The following BACE2 variants were observed in gnomAD, a reference collection of about 807,000 sequenced individuals.
The protein encoded by BACE2 is 56 kDa aspartic-like protease.
In BACE2, 17 loss-of-function variants were observed where a neutral mutation model predicts 46.2. The observed-to-expected ratio is 0.37, with a 90% CI of 0.25 to 0.55. The LOEUF (loss-of-function observed/expected upper bound fraction) is 0.55, where lower values mean the gene tolerates loss of function less well. BACE2 is among the 20% of genes least tolerant of loss of function. The pLI, the probability that BACE2 is intolerant of heterozygous loss-of-function variation, is 0.82. For missense variants in BACE2, 595 were observed against 698.1 expected (o/e 0.85, Z 1.66); for synonymous variants, 277 against 295.9 (o/e 0.94, Z 0.66).
chr21:41,213,258 A>G (rs1469646342), intron 1 of BACE2, among the ~76,000 whole-genome samples: 2 of 152,178 alleles, frequency 1.3e-5, no homozygotes, highest in Admixed American at 1.3e-4. Context: ...ACAACCCTAG[A>G]CACCAAAAAT....
chr21:41,186,998 A>G (rs1985401486), intron 1 of BACE2, among the ~76,000 whole-genome samples: 1 of 152,230 alleles, frequency 6.6e-6, no homozygotes, highest in Non-Finnish European at 1.5e-5. Context: ...GGAAAACTGC[A>G]TCTGCCCTGA....
chr21:41,257,361 C>A (rs1312787403), intron 8 of BACE2, 35 bp downstream of exon 8: 1 of 1,605,794 alleles, frequency 6.2e-7, no homozygotes. Context: ...GGATCCCCGA[C>A]AAGAGTCCTT....
intron 1 of BACE2, among the ~76,000 whole-genome samples, chr21:41,211,182 C>T (rs1779345075): frequency 6.8e-6 from 1 of 146,102 alleles, no homozygotes; most frequent in Non-Finnish European, 1.5e-5. Flanking sequence ...CCATCCCTCT[C>T]CCCCCTTCAC....
chr21:41,263,541 T>C (rs1218642668), intron 8 of BACE2, among the ~76,000 whole-genome samples: 1 of 152,210 alleles, frequency 6.6e-6, no homozygotes, highest in East Asian at 1.9e-4. Context: ...ATGTCTTTTA[T>C]AAAAGACTGT....
At chr21:41,217,597 G>T (rs77948197) in intron 1 of BACE2, among the ~76,000 whole-genome samples, 2,955 of 152,250 alleles carry the variant, frequency 0.019, 90 homozygotes, top group African/African-American at 0.066. Context: ...TCTGCTGGTT[G>T]AGCCTCGGTG....
chr21:41,203,580 C>G (rs1986030417), intron 1 of BACE2, among the ~76,000 whole-genome samples: 1 of 152,088 alleles, frequency 6.6e-6, no homozygotes, highest in African/African-American at 2.4e-5. Flanking sequence ...ATTCCTAATA[C>G]CCATGGGGAG....
rs751568482 is a variant in BACE2 at position 41,226,360 on chromosome 21, C to T, written c.401+6C>T. 1.6e-5 allele frequency: 26 copies of T among 1,610,822 alleles called. No individual in the cohort carries two copies. The highest frequency in any genetic ancestry group is 5.6e-5 in the South Asian group (5 of 89,844). On this transcript the variant is annotated splice_donor_region_variant and intron_variant, in intron 2 of 8. Transcript: ENST00000330333. The stretch of plus-strand genomic sequence containing the variant: ...ACGTACTTTGACACAGAGAGGTAAG[C>T]GCTGGCCCCTTGGCTGGTGTGCTGG...
chr21:41,266,352 T>C (rs1214343711), intron 8 of BACE2, among the ~76,000 whole-genome samples: 2 of 152,220 alleles, frequency 1.3e-5, no homozygotes, highest in Non-Finnish European at 2.9e-5. Flanking sequence ...TAGTAGACTT[T>C]TTTCTCGTTT....
rs77406095 is a variant in BACE2 at position 41,257,041 on chromosome 21, G to C, written c.1135-117G>C. 6 of 1,116,856 alleles carry C rather than the reference G, an allele frequency of 5.4e-6. No homozygotes were observed. The South Asian group carries it at 5.8e-5, about 11-fold the overall frequency. The allele number at this position is 1,116,856 out of a possible 1,614,324, so 69.2% of individuals were successfully genotyped here. Reference sequence around the variant, plus strand: ...AGGGTGAGATCATCTTTCTTCTCCCGTGACTCCCCCCAGCGCCTGGGAGGG... The same window carrying C: ...AGGGTGAGATCATCTTTCTTCTCCCCTGACTCCCCCCAGCGCCTGGGAGGG... On this transcript the variant is annotated intron_variant, in intron 7 of 8. Coordinates refer to ENST00000330333, the MANE Select transcript of BACE2 (RefSeq NM_012105.5).
chr21:41,241,084 GCA>G (rs1264431977), intron 3 of BACE2, among the ~76,000 whole-genome samples: 1 of 152,072 alleles, frequency 6.6e-6, no homozygotes, highest in Admixed American at 6.5e-5. Context: ...ATGACCACCG[GCA>G]CCCCTGGCAC....
chr21:41,187,132 G>A (rs1985407258), intron 1 of BACE2, among the ~76,000 whole-genome samples: 1 of 152,168 alleles, frequency 6.6e-6, no homozygotes, highest in African/African-American at 2.4e-5. Flanking sequence ...TTATAAATGT[G>A]GGCCACTGAG....
intron 1 of BACE2, among the ~76,000 whole-genome samples, chr21:41,188,562 C>A (rs73364427): frequency 4.3e-3 from 617 of 142,582 alleles, no homozygotes; most frequent in Middle Eastern, 0.03. Flanking sequence ...TACCCATCAC[C>A]CCCCCAGACC....
At chr21:41,226,237 A>ATTT in intron 1 of BACE2, 29 bp from the exon 2 acceptor site, 1 of 1,393,700 alleles carries the variant, frequency 7.2e-7, no homozygotes, top group Non-Finnish European at 9.8e-7. Context: ...GATGCTTTCT[A>ATTT]TTTTTTTTTT....
rs773947515 is a variant in BACE2, at chr21:41,275,390, G to C, written c.1323G>C (p.Val441=). 1 of 1,614,178 alleles carries C rather than the reference G, an allele frequency of 6.2e-7. No individual in the cohort carries two copies. Among genetic ancestry groups the C allele is most frequent in the Non-Finnish European group, 8.5e-7 (1 of 1,180,034 alleles). The change falls in exon 9 of 9, where the codon GTG becomes GTC. Residue 441 remains valine (V), a synonymous_variant. Coordinates refer to ENST00000330333, the MANE Select transcript of BACE2 (RefSeq NM_012105.5). ...SPCAEIAGAA[V]SEISGPFSTE... is the part of the protein sequence containing the mutation. Reference sequence around the variant, plus strand: ...CCCCAGAAATTGCAGGTGCTGCAGTGTCTGAAATTTCCGGGCCTTTCTCAA... The same window carrying C: ...CCCCAGAAATTGCAGGTGCTGCAGTCTCTGAAATTTCCGGGCCTTTCTCAA...
chr21:41,189,848 A>G (rs969503082), intron 1 of BACE2, among the ~76,000 whole-genome samples: 4 of 152,218 alleles, frequency 2.6e-5, no homozygotes, highest in Non-Finnish European at 5.9e-5. Flanking sequence ...TTACACAATC[A>G]CAAGATCCCA....
chr21:41,243,528 T>C lies in BACE2; in HGVS notation c.882+18T>C. The C allele has an allele frequency of 6.3e-7, 1 of 1,594,316 alleles. No individual in the cohort carries two copies. ...GCAGAGAGGTATTTATGCTATGGTCTCTGTTGTGTCTTTCTGTGTATGTCT... is the reference window on the plus strand; with the variant it reads ...GCAGAGAGGTATTTATGCTATGGTCCCTGTTGTGTCTTTCTGTGTATGTCT... On this transcript the variant is annotated intron_variant, in intron 5 of 8. Transcript: ENST00000330333.
intron 8 of BACE2, among the ~76,000 whole-genome samples, chr21:41,257,728 C>T (rs1987829061): frequency 6.6e-6 from 1 of 152,146 alleles, no homozygotes; most frequent in African/African-American, 2.4e-5. Context: ...AAATGAACAC[C>T]TATCGTTGCG....
Position 41,241,899 on chromosome 21 carries a change from T to G in BACE2, c.699T>G (p.Cys233Trp), listed in dbSNP as rs966611119. ...NIPNVFSMQM[C>W]GAGLPVAGSG... ...CCAACGTTTTCTCCATGCAGATGTG[T>G]GGAGCCGGCTTGCCCGTTGCTGGAT... Residue 233 changes from cysteine (C) to tryptophan (W), a missense_variant, in exon 4 of 9, where the codon TGT becomes TGG. This residue lies in a region of BACE2 where 343 missense variants were observed against 419.4 expected (regional missense o/e 0.82). Coordinates refer to ENST00000330333, the MANE Select transcript of BACE2 (RefSeq NM_012105.5). The G allele has an allele frequency of 1.2e-6, 2 of 1,614,216 alleles. No individual in the cohort carries two copies. The highest frequency in any genetic ancestry group is 1.7e-6 in the Non-Finnish European group (2 of 1,180,038).
rs1173938524 is a variant in BACE2, at chr21:41,246,012, G to A, written c.933G>A (p.Leu311=). The change falls in exon 6 of 9, where the codon CTG becomes CTA. Residue 311 remains leucine, a synonymous_variant. Transcript: ENST00000330333. Reference sequence around the variant, plus strand: ...ACAGTGGCACCACGCTGCTGCGCCTGCCCCAGAAGGTGTTTGATGCGGTGG... The same window carrying A: ...ACAGTGGCACCACGCTGCTGCGCCTACCCCAGAAGGTGTTTGATGCGGTGG... ...IVDSGTTLLR[L]PQKVFDAVVE... is the part of the protein sequence containing the mutation. 6.2e-6 allele frequency: 10 copies of A among 1,611,254 alleles called. No homozygotes were observed. The highest frequency in any genetic ancestry group is 2.7e-5 in the African/African-American group (2 of 74,896).
Sources: allele counts gnomAD v4.1 joint callset (sites outside exome capture counted in the v4.1 genomes callset), GRCh38; gene constraint gnomAD v4.1.1; regional missense constraint gnomAD v4.1.1; transcripts MANE v1.5; gene names NCBI Gene and HGNC (gene_info 2026-07-23, HGNC 2026-07-21).